The following DNAH2 variants were observed in gnomAD, a reference collection of about 807,000 sequenced individuals.
DNAH2 encodes axonemal beta dynein heavy chain 2.
In DNAH2, 323 loss-of-function variants were observed where a neutral mutation model predicts 523.5. The ratio of observed to expected loss-of-function variants is 0.62; its 90% confidence interval spans 0.56 to 0.68. DNAH2 has a LOEUF of 0.68. Ranked by LOEUF, DNAH2 falls within the 30% of genes least tolerant of loss-of-function variation. DNAH2 has a pLI of 0.00. For missense variants in DNAH2, 4,907 were observed against 5,701.5 expected (o/e 0.86, Z 4.49); for synonymous variants, 2,093 against 2,177.4 (o/e 0.96, Z 1.08).
Position 7,792,361 on chromosome 17 carries a change from G to T in DNAH2, c.7145+18G>T. The T allele has an allele frequency of 6.2e-7, 1 of 1,613,248 alleles. No individual in the cohort carries two copies. Among genetic ancestry groups the T allele is most frequent in the Non-Finnish European group, 8.5e-7 (1 of 1,179,246 alleles). ...CCTCCAAAGTAAGAGCTGGGCCTGG[G>T]TGTGAGGAGGGCATGGGGCAGCGGT... is the stretch of plus-strand genomic sequence containing the variant. On this transcript the variant is annotated intron_variant, in intron 46 of 85. Transcript: ENST00000572933.
rs772144442 is a variant in DNAH2 at position 7,740,804 on chromosome 17, C to T, written c.1507-6C>T. 5 of 1,602,774 alleles carry T rather than the reference C, an allele frequency of 3.1e-6. No individual in the cohort carries two copies. Among genetic ancestry groups the T allele is most frequent in the Admixed American group, 1.7e-5 (1 of 59,780 alleles). ...ACGTCGCCAGCCTCTTCCTCTTCTT[C>T]CCTAGGCTATCAAGCGGACTTATGA... On this transcript the variant is annotated splice_polypyrimidine_tract_variant and splice_region_variant and intron_variant, in intron 10 of 85. Coordinates refer to ENST00000572933, the MANE Select transcript of DNAH2 (RefSeq NM_020877.5).
At chr17:7,804,141 T>C in intron 58 of DNAH2, 115 bp from the exon 59 acceptor site, 41 of 1,049,436 alleles carry the variant, frequency 3.9e-5, no homozygotes, top group Admixed American at 1.7e-4. Flanking sequence ...GGGGTAGTGT[T>C]GGTGGCAACA....
At chr17:7,739,620 TCA>T in intron 8 of DNAH2, 111 bp from the exon 9 acceptor site, 6 of 954,790 alleles carry the variant, frequency 6.3e-6, no homozygotes, top group East Asian at 5.1e-5. Context: ...TTTTTTTTTT[TCA>T]CTTGCCATCA....
In DNAH2 at chr17:7,817,368, C is replaced by G; in HGVS notation, c.9973C>G (p.Leu3325Val). The G allele has an allele frequency of 1.2e-6, 2 of 1,613,718 alleles. No individual in the cohort carries two copies. Among genetic ancestry groups the G allele is most frequent in the South Asian group, 2.2e-5 (2 of 91,004 alleles). Reference protein sequence around the residue: ...AAFLSYMGPFLTNYRDEIVNQ... With the variant: ...AAFLSYMGPFVTNYRDEIVNQ... ...CTTCCTGTCCTACATGGGACCCTTC[C>G]TGACCAACTACCGGGATGAGATTGT... Residue 3325 changes from leucine to valine, a missense_variant, in exon 65 of 86, where the codon CTG (leucine) becomes GTG (valine). By Grantham distance (32) the Leu-to-Val change is conservative. This residue lies in a region of DNAH2 where 1,851 missense variants were observed against 2,139.4 expected (regional missense o/e 0.87). Transcript: ENST00000572933.
At chr17:7,769,188 G>A (rs776724195) in intron 24 of DNAH2, among the ~76,000 whole-genome samples, 3 of 152,008 alleles carry the variant, frequency 2.0e-5, no homozygotes, top group Non-Finnish European at 4.4e-5. Context: ...GGGAGACAAA[G>A]TCTCACTCTG....
rs182813418 is a variant in DNAH2, at chr17:7,807,001, G to A, written c.9443-149G>A. Reference sequence around the variant, plus strand: ...TGCCCAGAGACAGAGTCAAGTCAGAGGGAGGAACTAGGGGCCAGGTCAGAT... The same window carrying A: ...TGCCCAGAGACAGAGTCAAGTCAGAAGGAGGAACTAGGGGCCAGGTCAGAT... On this transcript the variant is annotated intron_variant, in intron 61 of 85. Transcript: ENST00000572933. The surrounding 1 kb of genome is among the most constrained non-coding windows in gnomAD (Gnocchi z 5.6). The A allele has an allele frequency of 1.7e-4, 147 of 883,558 alleles. No homozygotes were observed. In the East Asian group the frequency reaches 3.5e-3, roughly 21 times the overall value. 54.7% of individuals were successfully genotyped at this position (883,558 alleles called of 1,614,324 possible).
At chr17:7,727,585 AT>A (rs372528133) in intron 4 of DNAH2, among the ~76,000 whole-genome samples, 1 of 152,086 alleles carries the variant, frequency 6.6e-6, no homozygotes, top group African/African-American at 2.4e-5. Context: ...GTGAAACCCC[AT>A]CTCTACTAAA....
intron 12 of DNAH2, among the ~76,000 whole-genome samples, chr17:7,745,552 C>A (rs1258707347): frequency 1.3e-5 from 2 of 151,662 alleles, no homozygotes; most frequent in Non-Finnish European, 2.9e-5. Flanking sequence ...CGCAGTGGCT[C>A]ATGCCTAGAA....
intron 58 of DNAH2, among the ~76,000 whole-genome samples, chr17:7,803,651 C>T (rs2151296930): frequency 6.6e-6 from 1 of 151,056 alleles, no homozygotes; most frequent in Non-Finnish European, 1.5e-5. Context: ...GCCTGGGTGA[C>T]AGATCGAGAC....
At position 7,786,069 on chromosome 17, in the gene DNAH2, C is replaced by A; in HGVS notation, c.6130-55C>A. ...TCTGGCACCGGGGAGATTTTGAAAG[C>A]CCTTTAAAGGCCTCATCCTTTTTCT... On this transcript the variant is annotated intron_variant, in intron 39 of 85. Coordinates refer to ENST00000572933, the MANE Select transcript of DNAH2 (RefSeq NM_020877.5). This position sits in a 1 kb window ranked among gnomAD's most constrained non-coding sequence, Gnocchi z 7.5. The A allele has an allele frequency of 1.3e-6, 2 of 1,579,794 alleles. No individual in the cohort carries two copies. Among genetic ancestry groups the A allele is most frequent in the Non-Finnish European group, 1.7e-6 (2 of 1,152,790 alleles).
chr17:7,727,292 G>A lies in DNAH2; in HGVS notation c.399G>A (p.Gln133=), dbSNP rs773589675. Residue 133 remains glutamine, a splice_region_variant and synonymous_variant, in exon 4 of 86, where the codon CAG becomes CAA. Coordinates refer to ENST00000572933, the MANE Select transcript of DNAH2 (RefSeq NM_020877.5). ...GLKLELGMPV[Q]TQNQLVYFIR... The stretch of plus-strand genomic sequence containing the variant: ...AGCTAGAGCTGGGCATGCCTGTACA[G>A]GTGCGTACCCTACATTCCCAGATCA... The A allele has an allele frequency of 2.5e-6, 4 of 1,605,480 alleles. No individual in the cohort carries two copies. Among genetic ancestry groups the A allele is most frequent in the Non-Finnish European group, 1.7e-6 (2 of 1,176,930 alleles).
intron 56 of DNAH2, among the ~76,000 whole-genome samples, chr17:7,801,314 G>C (rs536162929): frequency 1.3e-5 from 2 of 152,068 alleles, no homozygotes; most frequent in African/African-American, 4.8e-5. Flanking sequence ...TTAGAGACGA[G>C]GAAACTGGCA....
rs763780677 is a variant in DNAH2, at chr17:7,833,546, T to A, written c.*13T>A. 3.7e-6 allele frequency: 6 copies of A among 1,612,650 alleles called. No homozygotes were observed. On this transcript the variant is annotated 3_prime_UTR_variant, in exon 86 of 86. Transcript: ENST00000572933. ...CCTGGACAGCTGAGACCTCCTCCTC[T>A]TCTCCGCTTGAGAGAGAGGGTCAGG...
chr17:7,725,747 C>A (rs190320068), intron 3 of DNAH2, among the ~76,000 whole-genome samples: 4 of 139,294 alleles, frequency 2.9e-5, no homozygotes, highest in Non-Finnish European at 1.5e-5. Context: ...CCACGCCTGG[C>A]CAATTTTTTT....
intron 12 of DNAH2, among the ~76,000 whole-genome samples, chr17:7,749,317 A>AGC (rs1567636775): frequency 9.7e-6 from 1 of 103,588 alleles, no homozygotes; most frequent in Non-Finnish European, 1.7e-5. Context: ...CCAAAAAAAA[A>AGC]AAAAAAAAAA....
chr17:7,809,313 CCT>C (rs2077448015), intron 63 of DNAH2, among the ~76,000 whole-genome samples: 1 of 152,082 alleles, frequency 6.6e-6, no homozygotes, highest in Non-Finnish European at 1.5e-5. Context: ...TGACTTCACG[CCT>C]CTCTGCCCAC....
In DNAH2 at chr17:7,775,334, C is replaced by T. The variant is rs150496167; in HGVS notation, c.4813C>T (p.Pro1605Ser). The stretch of plus-strand genomic sequence containing the variant: ...CCTCCACTCAGTATTTTTAGAAGGC[C>T]CTGTGGAGGTGAGTTGTGGTGAGGG... Reference protein sequence around the residue: ...DFLHSVFLEGPVESWLGDVEQ... With the variant: ...DFLHSVFLEGSVESWLGDVEQ... The change falls in exon 30 of 86, where the codon CCT (proline) becomes TCT (serine). Residue 1605 changes from proline (P) to serine (S), a missense_variant. Coordinates refer to ENST00000572933, the MANE Select transcript of DNAH2 (RefSeq NM_020877.5). The T allele has an allele frequency of 1.5e-4, 242 of 1,610,800 alleles. 2 individuals carry two copies. In the African/African-American group the frequency reaches 2.8e-3, roughly 19 times the overall value.
At chr17:7,795,627 T>TAA (rs2077039220) in intron 49 of DNAH2, among the ~76,000 whole-genome samples, 2 of 149,624 alleles carry the variant, frequency 1.3e-5, no homozygotes, top group East Asian at 3.9e-4. Flanking sequence ...TGAACCATGA[T>TAA]TGCACCATTG....
At chr17:7,759,965 G>C in intron 17 of DNAH2, 27 bp downstream of exon 17, 9 of 1,614,100 alleles carry the variant, frequency 5.6e-6, no homozygotes, top group Non-Finnish European at 6.8e-6. Context: ...GAGGGCACAA[G>C]GCACAGGGTT....
Sources: allele counts gnomAD v4.1 joint callset (sites outside exome capture counted in the v4.1 genomes callset), GRCh38; gene constraint gnomAD v4.1.1; regional missense constraint gnomAD v4.1.1; non-coding constraint Gnocchi (gnomAD v3.1); transcripts MANE v1.5; gene names NCBI Gene and HGNC (gene_info 2026-07-23, HGNC 2026-07-21).